Variants in EYS observed in about 807,000 individuals in gnomAD.
EYS encodes the protein EGF-like photoreceptor maintenance factor.
A neutral mutation model predicts 282.1 loss-of-function variants in EYS; 250 were observed. The ratio of observed to expected loss-of-function variants is 0.89; its 90% CI spans 0.80 to 0.98. The LOEUF (loss-of-function observed/expected upper bound fraction) is 0.98. EYS is among the 50% of genes least tolerant of loss of function. The pLI, the probability that EYS is intolerant of heterozygous loss-of-function variation, is 0.00. For missense variants in EYS, 4,016 were observed against 3,709.0 expected (o/e 1.08, Z -2.15); for synonymous variants, 1,355 against 1,282.9 (o/e 1.06, Z -1.20).
intron 31 of EYS, 122 bp downstream of exon 31, chr6:64,230,470 T>A: frequency 1.9e-6 from 1 of 537,100 alleles, no homozygotes; most frequent in Middle Eastern, 3.4e-4. Flanking sequence ...TAAATAAAAT[T>A]ATACAGCTGT....
intron 11 of EYS, among the ~76,000 whole-genome samples, chr6:65,325,417 G>A (rs1357694398): frequency 6.6e-6 from 1 of 152,114 alleles, no homozygotes; most frequent in East Asian, 1.9e-4. Flanking sequence ...GGTAGGTATA[G>A]TAACTCTGCA....
At chr6:63,832,209 CT>C (rs1490575764) in intron 36 of EYS, among the ~76,000 whole-genome samples, 2 of 152,186 alleles carry the variant, frequency 1.3e-5, no homozygotes, top group African/African-American at 4.8e-5. Flanking sequence ...CAAGAAATAA[CT>C]AAGATCAGAG....
chr6:64,726,117 ATCT>A (rs1008703953), intron 22 of EYS, among the ~76,000 whole-genome samples: 5 of 147,520 alleles, frequency 3.4e-5, no homozygotes, highest in African/African-American at 1.2e-4. Flanking sequence ...GTTGTCTTTC[ATCT>A]TCTTCTCTGC....
chr6:64,135,086 AAAGT>A (rs547879056), intron 31 of EYS, among the ~76,000 whole-genome samples: 63 of 152,228 alleles, frequency 4.1e-4, no homozygotes, highest in African/African-American at 1.4e-3. Context: ...TCTTTAGACT[AAAGT>A]AAGGAGCTGA....
intron 29 of EYS, among the ~76,000 whole-genome samples, chr6:64,330,420 G>GA (rs1018155931): frequency 2.6e-5 from 4 of 152,118 alleles, no homozygotes; most frequent in African/African-American, 9.7e-5. Context: ...AGGGAGGGGG[G>GA]AAAGAACCCC....
intron 26 of EYS, among the ~76,000 whole-genome samples, chr6:64,468,415 A>C (rs952473482): frequency 6.6e-6 from 1 of 152,224 alleles, no homozygotes; most frequent in Non-Finnish European, 1.5e-5. Context: ...TGACTGTTTC[A>C]TGTTTCTTGT....
At chr6:64,791,705 A>C (rs181577952) in intron 22 of EYS, among the ~76,000 whole-genome samples, 1 of 151,876 alleles carries the variant, frequency 6.6e-6, no homozygotes, top group African/African-American at 2.4e-5. Flanking sequence ...ACAAAGTGTA[A>C]ACTAATAAAT....
intron 18 of EYS, among the ~76,000 whole-genome samples, chr6:64,895,243 C>T (rs1411767692): frequency 6.6e-6 from 1 of 152,136 alleles, no homozygotes. Flanking sequence ...AAGGTTGGAT[C>T]TCTATGAAGA....
intron 15 of EYS, among the ~76,000 whole-genome samples, chr6:64,923,529 A>G (rs1768420073): frequency 6.6e-6 from 1 of 152,152 alleles, no homozygotes; most frequent in African/African-American, 2.4e-5. Context: ...CAGTCCCTCA[A>G]AGTCTTAACT....
rs550330912 is a variant in EYS at position 63,879,370 on chromosome 6, G to C, written c.7056-15012C>G. Among the ~76,000 whole-genome samples the C allele has an allele frequency of 2.2e-4, 33 of 152,138 alleles. 2 individuals carry two copies. In the South Asian group the frequency reaches 6.9e-3, roughly 32 times the overall value. ...TTTTATTATAATTAAGAAAACCTCT[G>C]GATTACAATGCTGGTTGGTGGAGAG... On this transcript the variant is annotated intron_variant, in intron 35 of 42. Coordinates refer to ENST00000503581, the MANE Select transcript of EYS (RefSeq NM_001142800.2).
At chr6:65,483,952 G>A (rs1386299899) in intron 5 of EYS, among the ~76,000 whole-genome samples, 2 of 152,060 alleles carry the variant, frequency 1.3e-5, no homozygotes, top group Admixed American at 6.6e-5. Flanking sequence ...TGGGAAAGAT[G>A]TGCCCCCATG....
At chr6:64,054,559 G>A (rs1324332954) in intron 33 of EYS, among the ~76,000 whole-genome samples, 2 of 152,072 alleles carry the variant, frequency 1.3e-5, no homozygotes, top group African/African-American at 2.4e-5. Context: ...TGGAGAAAGG[G>A]GAGGTTTTCT....
At chr6:64,939,834 A>C (rs1769030124) in intron 15 of EYS, among the ~76,000 whole-genome samples, 1 of 151,978 alleles carries the variant, frequency 6.6e-6, no homozygotes, top group Non-Finnish European at 1.5e-5. Context: ...GACCATTTCA[A>C]CAATTTCATA....
At chr6:64,621,021 AT>A (rs1012622149) in intron 23 of EYS, among the ~76,000 whole-genome samples, 4 of 151,590 alleles carry the variant, frequency 2.6e-5, no homozygotes, top group African/African-American at 7.3e-5. Flanking sequence ...ATTTTTACTA[AT>A]TTTTTTTTAA....
At chr6:64,977,402 G>A (rs978052999) in intron 14 of EYS, among the ~76,000 whole-genome samples, 1 of 151,822 alleles carries the variant, frequency 6.6e-6, no homozygotes, top group East Asian at 1.9e-4. Flanking sequence ...TGTTGTGTGC[G>A]TCTGACTACT....
intron 29 of EYS, among the ~76,000 whole-genome samples, chr6:64,367,325 T>C (rs2150411587): frequency 6.6e-6 from 1 of 152,196 alleles, no homozygotes; most frequent in Non-Finnish European, 1.5e-5. Context: ...GTGGCTTTTT[T>C]CTAAGGGTAT....
At chr6:65,283,968 A>G (rs1241588051) in intron 12 of EYS, among the ~76,000 whole-genome samples, 5 of 152,102 alleles carry the variant, frequency 3.3e-5, no homozygotes, top group Non-Finnish European at 7.4e-5. Context: ...TGTGGCCACT[A>G]TTAAAATCTT....
intron 12 of EYS, among the ~76,000 whole-genome samples, chr6:65,262,742 T>C (rs1358702582): frequency 1.3e-5 from 2 of 152,120 alleles, no homozygotes; most frequent in Non-Finnish European, 1.5e-5. Flanking sequence ...CATTGTGTGT[T>C]TGAGATGCAC....
At chr6:64,286,412 T>C (rs1013367960) in intron 30 of EYS, among the ~76,000 whole-genome samples, 6 of 152,198 alleles carry the variant, frequency 3.9e-5, no homozygotes, top group Admixed American at 6.5e-5. Context: ...AAATCTTTCT[T>C]ACAGAGTCAA....
Sources: gnomAD v4.1 joint callset for allele counts (sites outside exome capture counted in the v4.1 genomes callset) on GRCh38, gnomAD v4.1.1 for gene constraint, MANE v1.5 for transcripts, NCBI Gene and HGNC (gene_info 2026-07-23, HGNC 2026-07-21) for gene names.